The following FAM78B variants were observed in gnomAD, a reference collection of about 807,000 sequenced individuals.
FAM78B encodes the protein family with sequence similarity 78 member B.
In FAM78B, 10 loss-of-function variants were observed where a neutral mutation model predicts 20.0. That is an observed-to-expected ratio of 0.50 (90% confidence interval 0.31 to 0.85). The LOEUF (loss-of-function observed/expected upper bound fraction) is 0.85. Among genes scored for constraint, FAM78B ranks in the 40% least tolerant of loss-of-function variants. The pLI, the probability that FAM78B is intolerant of heterozygous loss-of-function variation, is 0.05. For missense variants in FAM78B, 283 were observed against 345.0 expected, an observed-to-expected ratio of 0.82 and a Z score of 1.42; for synonymous variants, 135 against 132.8, an observed-to-expected ratio of 1.02 and a Z score of -0.12.
chr1:166,134,906 A>G (rs1366776313), intron 1 of FAM78B, among the ~76,000 whole-genome samples: 1 of 152,236 alleles, frequency 6.6e-6, no homozygotes, highest in East Asian at 1.9e-4. Flanking sequence ...CCTACAGCGT[A>G]AAGTACTGCT....
At position 166,166,300 on chromosome 1, in the gene FAM78B, G is replaced by GCGGGGGCCCGCC. The variant is rs1442783566; in HGVS notation, c.-53_-52insGGCGGGCCCCCG. On this transcript the variant is annotated 5_prime_UTR_variant, in exon 1 of 2. Transcript: ENST00000354422. ...GGCGTGGGGCAGCGCGGGGGCCCGC[G>GCGGGGGCCCGCC]CGGGCAGCCGGGGGCGCCCGTCACG... The GCGGGGGCCCGCC allele has an allele frequency of 2.5e-6, 3 of 1,178,570 alleles. No homozygotes were observed. The highest frequency in any genetic ancestry group is 3.1e-6 in the Non-Finnish European group (3 of 953,570). The allele number at this position is 1,178,570 out of a possible 1,614,324, so 73.0% of individuals were successfully genotyped here.
intron 1 of FAM78B, among the ~76,000 whole-genome samples, chr1:166,077,900 TTA>T (rs1557891013): frequency 2.6e-4 from 1 of 3,914 alleles, no homozygotes. Flanking sequence ...TATATATAAT[TTA>T]TATATATAAT....
chr1:166,086,166 A>G (rs2101730263), intron 1 of FAM78B, among the ~76,000 whole-genome samples: 1 of 152,008 alleles, frequency 6.6e-6, no homozygotes, highest in African/African-American at 2.4e-5. Flanking sequence ...GATGGGACAA[A>G]CTTAACTCTG....
At chr1:166,081,501 G>C (rs994552798) in intron 1 of FAM78B, among the ~76,000 whole-genome samples, 3 of 152,174 alleles carry the variant, frequency 2.0e-5, no homozygotes, top group Non-Finnish European at 4.4e-5. Flanking sequence ...ACCCCACACA[G>C]AGAAGCAGTG....
chr1:166,082,367 C>T (rs1369322034), intron 1 of FAM78B, among the ~76,000 whole-genome samples: 2 of 152,196 alleles, frequency 1.3e-5, no homozygotes, highest in Non-Finnish European at 2.9e-5. Flanking sequence ...ACAACCTGGA[C>T]TCCTTTTCTT....
chr1:166,066,709 T>C (rs1651806988), downstream of FAM78B, among the ~76,000 whole-genome samples: 1 of 152,232 alleles, frequency 6.6e-6, no homozygotes, highest in Non-Finnish European at 1.5e-5. Context: ...ATCATAGTTC[T>C]TTTATTTTAC....
At chr1:166,103,777 A>T (rs567213243) in intron 1 of FAM78B, among the ~76,000 whole-genome samples, 129 of 152,348 alleles carry the variant, frequency 8.5e-4, no homozygotes, top group South Asian at 2.1e-3. Flanking sequence ...CAGAGCTTCA[A>T]GGAGGAACTG....
intron 1 of FAM78B, among the ~76,000 whole-genome samples, chr1:166,112,646 C>T (rs1342027987): frequency 6.6e-6 from 1 of 152,188 alleles, no homozygotes; most frequent in Non-Finnish European, 1.5e-5. Context: ...TATGCTGGTG[C>T]TCCATCACTC....
chr1:166,122,434 A>G (rs1489503513), intron 1 of FAM78B, among the ~76,000 whole-genome samples: 1 of 152,236 alleles, frequency 6.6e-6, no homozygotes, highest in East Asian at 1.9e-4. Flanking sequence ...GTAACTAATC[A>G]AATGCCAAGG....
rs1656414758 is a variant in FAM78B, at chr1:166,166,707, C to T, written c.-459G>A. 3.3e-5 allele frequency: 5 copies of T among 149,570 alleles called. No individual in the cohort carries two copies. The highest frequency in any genetic ancestry group is 2.4e-5 in the African/African-American group (1 of 41,246). The allele number at this position is 149,570 out of a possible 1,614,324, so 9.3% of individuals were successfully genotyped here. ...CTGTCTGCCTCCGCGGCGGCAGCAG[C>T]AGCAGCCGCCGCCGCCGCCGCCGCT... On this transcript the variant is annotated 5_prime_UTR_variant, in exon 1 of 2. Coordinates refer to ENST00000354422, the MANE Select transcript of FAM78B (RefSeq NM_001017961.5).
chr1:166,156,268 C>T (rs559292443), intron 1 of FAM78B, among the ~76,000 whole-genome samples: 2 of 152,208 alleles, frequency 1.3e-5, no homozygotes, highest in South Asian at 2.1e-4. Flanking sequence ...TTTCTCTTTG[C>T]GCTTGTTGAA....
downstream of FAM78B, among the ~76,000 whole-genome samples, chr1:166,066,840 C>T (rs1035993964): frequency 1.3e-5 from 2 of 152,168 alleles, no homozygotes; most frequent in African/African-American, 4.8e-5. Flanking sequence ...TAGTCTCCAA[C>T]TCTCTCATGT....
chr1:166,094,191 A>G (rs1283579893), intron 1 of FAM78B, among the ~76,000 whole-genome samples: 5 of 152,142 alleles, frequency 3.3e-5, no homozygotes. Context: ...ACTTAGGAAC[A>G]TGCCCATGCC....
intron 1 of FAM78B, among the ~76,000 whole-genome samples, chr1:166,109,870 A>G (rs1193501299): frequency 0.027 from 312 of 11,468 alleles, 51 homozygotes; most frequent in African/African-American, 0.077. Context: ...ATGTATGTGT[A>G]TATATATATA....
intron 1 of FAM78B, among the ~76,000 whole-genome samples, chr1:166,163,253 C>T (rs1656227066): frequency 6.6e-6 from 1 of 152,204 alleles, no homozygotes; most frequent in African/African-American, 2.4e-5. Flanking sequence ...ATAGGTGCCA[C>T]AACTCTTCAC....
intron 1 of FAM78B, among the ~76,000 whole-genome samples, chr1:166,163,170 C>T (rs561847284): frequency 3.9e-5 from 6 of 152,266 alleles, no homozygotes; most frequent in East Asian, 3.9e-4. Context: ...CCTTCCTCCC[C>T]GAGGGATGAA....
At chr1:166,120,745 C>T (rs1447392920) in intron 1 of FAM78B, among the ~76,000 whole-genome samples, 3 of 145,958 alleles carry the variant, frequency 2.1e-5, no homozygotes, top group Non-Finnish European at 3.1e-5. Flanking sequence ...AAGGGCTGTC[C>T]CCAAGAGCAG....
At chr1:166,079,739 G>A (rs1652491793) in intron 1 of FAM78B, among the ~76,000 whole-genome samples, 1 of 152,166 alleles carries the variant, frequency 6.6e-6, no homozygotes, top group Admixed American at 6.5e-5. Context: ...CTAGGTAGGA[G>A]GATAGAACTT....
At chr1:166,099,787 T>C (rs11487531) in intron 1 of FAM78B, among the ~76,000 whole-genome samples, 29,722 of 152,148 alleles carry the variant, frequency 0.2, 3,312 homozygotes, top group East Asian at 0.38. Flanking sequence ...CAATTACTAA[T>C]TGACCTAAGA....
Sources: gnomAD v4.1 joint callset for allele counts (sites outside exome capture counted in the v4.1 genomes callset) on GRCh38, gnomAD v4.1.1 for gene constraint, MANE v1.5 for transcripts, NCBI Gene and HGNC (gene_info 2026-07-23, HGNC 2026-07-21) for gene names.